The following TRDMT1 variants were observed in gnomAD, a reference collection of about 807,000 sequenced individuals.
TRDMT1 encodes tRNA (cytosine(38)-C(5))-methyltransferase.
TRDMT1 carries 49 observed loss-of-function variants against 51.2 expected under a neutral mutation model. That is an observed-to-expected ratio of 0.96 (90% CI 0.76 to 1.21). The LOEUF is 1.21. Ranked by LOEUF, TRDMT1 falls within the 50% of genes most tolerant of loss-of-function variation. The pLI is 0.00. For synonymous variants in TRDMT1, 187 were observed against 164.6 expected (o/e 1.14, Z -1.04); for missense variants, 534 against 462.3 (o/e 1.16, Z -1.42).
chr10:17,142,851 T>C lies in TRDMT1; in HGVS notation c.*6189A>G. 2.0e-6 allele frequency: 1 copy of C among 505,696 alleles called. No individual in the cohort carries two copies. Among genetic ancestry groups the C allele is most frequent in the Non-Finnish European group, 2.6e-6 (1 of 391,422 alleles). The allele number at this position is 505,696 out of a possible 1,614,324, so 31.3% of individuals were successfully genotyped here. A position where few individuals can be genotyped will look rare whatever the true frequency, so the allele number is the denominator to read the frequency against. ...CGCAGTGTGTCTTCCTGGTCCCACC[T>C]TTCAGAATTCTCCTTCTGATTCCTC... On this transcript the variant is annotated 3_prime_UTR_variant, in exon 11 of 11. Transcript: ENST00000377799.
chr10:17,149,392 C>T (rs575372317), intron 10 of TRDMT1, among the ~76,000 whole-genome samples: 25 of 152,180 alleles, frequency 1.6e-4, no homozygotes, highest in African/African-American at 5.8e-4. Context: ...ATATAATATC[C>T]ACAGAACTCA....
At chr10:17,149,748 G>A (rs1439275199) in intron 10 of TRDMT1, among the ~76,000 whole-genome samples, 1 of 152,050 alleles carries the variant, frequency 6.6e-6, no homozygotes, top group Non-Finnish European at 1.5e-5. Context: ...GTTGTCTTTT[G>A]TGTCTGGTTT....
Position 17,141,127 on chromosome 10 carries a change from C to G in TRDMT1, c.*7913G>C, listed in dbSNP as rs1837646837. On this transcript the variant is annotated 3_prime_UTR_variant, in exon 11 of 11. Transcript: ENST00000377799. ...TGTCATCCAAATTGTGTCCCCCGCC[C>G]CATGGCAACGTGTCATTTTTCTCCA... 6.6e-6 allele frequency among the ~76,000 whole-genome samples: 1 copy of G among 152,164 alleles called. No homozygotes were observed. The highest frequency in any genetic ancestry group is 2.1e-4 in the South Asian group (1 of 4,826).
At chr10:17,181,941 T>C (rs1330969634) in intron 1 of TRDMT1, among the ~76,000 whole-genome samples, 1 of 152,164 alleles carries the variant, frequency 6.6e-6, no homozygotes, top group African/African-American at 2.4e-5. Flanking sequence ...TCATGCTCTG[T>C]TGAAGTGGTT....
In TRDMT1 at chr10:17,140,214, A is replaced by ATTT. The variant is rs35309958; in HGVS notation, c.*8823_*8825dup. On this transcript the variant is annotated 3_prime_UTR_variant, in exon 11 of 11. Transcript: ENST00000377799. ...CAGGCACATGCCACCACATCCAGCT[A>ATTT]TTTTTTTTTTTTTTTTGTACCTTTA... is the stretch of plus-strand genomic sequence containing the variant. Among the ~76,000 whole-genome samples, 2 of 131,222 alleles carry ATTT rather than the reference A, an allele frequency of 1.5e-5. No homozygotes were observed. The highest frequency in any genetic ancestry group is 5.8e-5 in the African/African-American group (2 of 34,388). The allele number at this position is 131,222 out of a possible 152,430, so 86.1% of individuals were successfully genotyped here.
intron 10 of TRDMT1, chr10:17,150,927 AT>A (rs1008755069): frequency 4.1e-6 from 4 of 985,246 alleles, no homozygotes; most frequent in Non-Finnish European, 4.8e-6. Context: ...CTTTTGCAAT[AT>A]TACAATTACC....
At chr10:17,175,104 T>C (rs1390788017) in intron 1 of TRDMT1, among the ~76,000 whole-genome samples, 1 of 152,226 alleles carries the variant, frequency 6.6e-6, no homozygotes, top group African/African-American at 2.4e-5. Flanking sequence ...CACAGTACCA[T>C]TGAAAATGCT....
intron 10 of TRDMT1, among the ~76,000 whole-genome samples, chr10:17,149,439 T>C (rs1186541555): frequency 6.6e-6 from 1 of 152,160 alleles, no homozygotes; most frequent in Admixed American, 6.5e-5. Flanking sequence ...TTAAAAAAGC[T>C]GTGGCTGCTA....
chr10:17,167,071 C>G (rs1435102337), intron 3 of TRDMT1, among the ~76,000 whole-genome samples: 1 of 152,176 alleles, frequency 6.6e-6, no homozygotes, highest in African/African-American at 2.4e-5. Flanking sequence ...TATTATATAG[C>G]TTATAAGATA....
rs753779673 is a variant in TRDMT1 at position 17,145,180 on chromosome 10, G to GA, written c.*3859dup. 4.5e-4 allele frequency: 325 copies of GA among 714,752 alleles called. No individual in the cohort carries two copies. Among genetic ancestry groups the GA allele is most frequent in the Non-Finnish European group, 5.3e-4 (311 of 583,080 alleles). 44.3% of individuals were successfully genotyped at this position (714,752 alleles called of 1,614,324 possible). ...GAAAATCACTTTAACCCAGGAGGGG[G>GA]AGATTGCAGTGAGCCGAGATCACGC... is the stretch of plus-strand genomic sequence containing the variant. On this transcript the variant is annotated 3_prime_UTR_variant, in exon 11 of 11. Coordinates refer to ENST00000377799, the MANE Select transcript of TRDMT1 (RefSeq NM_004412.7).
chr10:17,162,061 G>T, intron 4 of TRDMT1, 105 bp downstream of exon 4: 4 of 925,954 alleles, frequency 4.3e-6, no homozygotes, highest in Non-Finnish European at 6.9e-6. Context: ...TATCTCAAGG[G>T]AGCATGTATA....
In TRDMT1 at chr10:17,161,520, A is replaced by G. The variant is rs924337878; in HGVS notation, c.352T>C (p.Leu118=). 7 of 1,341,706 alleles carry G rather than the reference A, an allele frequency of 5.2e-6. No homozygotes were observed. Among genetic ancestry groups the G allele is most frequent in the Non-Finnish European group, 7.1e-6 (7 of 990,072 alleles). The allele number at this position is 1,341,706 out of a possible 1,614,324, so 83.1% of individuals were successfully genotyped here. A position where few individuals can be genotyped will look rare whatever the true frequency, so the allele number is the denominator to read the frequency against. ...RLQKLPKYIL[L]ENVKGFEVSS... ...ACTTCAAAACCTTTAACATTTTCCA[A>G]AAGAATATACTTTGGTAATTTTTGT... Residue 118 remains leucine (L), a synonymous_variant, in exon 5 of 11, where the codon TTG becomes CTG. Transcript: ENST00000377799.
chr10:17,166,941 A>T (rs926319305), intron 3 of TRDMT1, among the ~76,000 whole-genome samples: 4 of 152,148 alleles, frequency 2.6e-5, no homozygotes, highest in Non-Finnish European at 5.9e-5. Context: ...GCCTGCTCTG[A>T]TATACTCCTA....
chr10:17,161,683 G>A (rs1840378237), intron 4 of TRDMT1, 135 bp from the exon 5 acceptor site: 2 of 504,942 alleles, frequency 4.0e-6, no homozygotes, highest in Non-Finnish European at 6.5e-6. Context: ...TATAAGGCTG[G>A]AGACAACATA....
At chr10:17,168,669 G>GC (rs1841540028) in intron 3 of TRDMT1, among the ~76,000 whole-genome samples, 172 bp downstream of exon 3, 2 of 152,184 alleles carry the variant, frequency 1.3e-5, no homozygotes, top group Admixed American at 1.3e-4. Flanking sequence ...TTTACCTGCT[G>GC]CCCGTGACTT....
chr10:17,192,021 C>T (rs1027023073), intron 1 of TRDMT1, among the ~76,000 whole-genome samples: 1 of 152,170 alleles, frequency 6.6e-6, no homozygotes, highest in African/African-American at 2.4e-5. Flanking sequence ...GGGTGTGACA[C>T]TGAACCAGCA....
At chr10:17,152,794 T>C (rs1040095021) in intron 10 of TRDMT1, 2 of 152,522 alleles carry the variant, frequency 1.3e-5, no homozygotes, top group Admixed American at 6.5e-5. Context: ...CCTGGACTTC[T>C]TGGACTGCCA....
chr10:17,144,456 T>C lies in TRDMT1; in HGVS notation c.*4584A>G. On this transcript the variant is annotated 3_prime_UTR_variant, in exon 11 of 11. Coordinates refer to ENST00000377799, the MANE Select transcript of TRDMT1 (RefSeq NM_004412.7). Reference sequence around the variant, plus strand: ...ATTTTTGTGAAAATTTCCGGTCTCATATTTATAGGAAAAATGAGATTTTGG... The same window carrying C: ...ATTTTTGTGAAAATTTCCGGTCTCACATTTATAGGAAAAATGAGATTTTGG... The C allele has an allele frequency of 2.0e-6, 2 of 985,700 alleles. No homozygotes were observed. The highest frequency in any genetic ancestry group is 2.4e-6 in the Non-Finnish European group (2 of 829,920). 61.1% of individuals were successfully genotyped at this position (985,700 alleles called of 1,614,324 possible).
chr10:17,189,493 C>A (rs1844408150), intron 1 of TRDMT1, among the ~76,000 whole-genome samples: 1 of 152,064 alleles, frequency 6.6e-6, no homozygotes, highest in East Asian at 1.9e-4. Flanking sequence ...GGATGGAGAA[C>A]AAGCTAGAGA....
Sources: gnomAD v4.1 joint callset for allele counts (sites outside exome capture counted in the v4.1 genomes callset) on GRCh38, gnomAD v4.1.1 for gene constraint, MANE v1.5 for transcripts, NCBI Gene and HGNC (gene_info 2026-07-23, HGNC 2026-07-21) for gene names.